The following RNF13 variants were observed in gnomAD, a reference collection of about 807,000 sequenced individuals.
RNF13 encodes the protein E3 ubiquitin-protein ligase RNF13.
A neutral mutation model predicts 37.7 loss-of-function variants in RNF13; 19 were observed. The observed-to-expected ratio is 0.50, with a 90% CI of 0.35 to 0.74. The LOEUF (loss-of-function observed/expected upper bound fraction) is 0.74. RNF13 is among the 30% of genes least tolerant of loss of function. The pLI, the probability that RNF13 is intolerant of heterozygous loss-of-function variation, is 0.01. For synonymous variants in RNF13, 144 were observed against 157.8 expected (o/e 0.91, Z 0.65); for missense variants, 375 against 453.0 (o/e 0.83, Z 1.56).
intron 8 of RNF13, among the ~76,000 whole-genome samples, chr3:149,927,111 C>G (rs1718730458): frequency 6.6e-6 from 1 of 152,204 alleles, no homozygotes; most frequent in African/African-American, 2.4e-5. Context: ...TCTTCCCAAA[C>G]TGAAACTCTG....
At chr3:149,895,681 A>C (rs1384234715) in intron 5 of RNF13, 121 bp downstream of exon 5, 1 of 570,896 alleles carries the variant, frequency 1.8e-6, no homozygotes, top group Non-Finnish European at 3.1e-6. Context: ...CTATCAGATA[A>C]TCCCTCATTC....
chr3:149,827,235 A>G (rs776141852), intron 1 of RNF13, among the ~76,000 whole-genome samples: 2 of 152,172 alleles, frequency 1.3e-5, no homozygotes, highest in Non-Finnish European at 2.9e-5. Context: ...CACTGTATTC[A>G]GTATTATAAC....
intron 5 of RNF13, among the ~76,000 whole-genome samples, chr3:149,899,800 TG>T (rs1462927549): frequency 6.6e-6 from 1 of 152,242 alleles, no homozygotes; most frequent in Non-Finnish European, 1.5e-5. Flanking sequence ...ATGGCTATGC[TG>T]TTTACAGAGA....
intron 6 of RNF13, among the ~76,000 whole-genome samples, chr3:149,907,254 A>G (rs1716513385): frequency 6.6e-6 from 1 of 152,086 alleles, no homozygotes; most frequent in Non-Finnish European, 1.5e-5. Flanking sequence ...TCCCTTATCT[A>G]ATTGCATTGG....
Position 149,912,047 on chromosome 3 carries a change from A to G in RNF13, c.570A>G (p.Ile190Met). The change falls in exon 7 of 10, where the codon ATA becomes ATG. Residue 190 changes from isoleucine (I) to methionine (M), a missense_variant. By Grantham distance (10) the Ile-to-Met change is conservative (BLOSUM62 1). Coordinates refer to ENST00000392894, the MANE Select transcript of RNF13 (RefSeq NM_183381.3). The stretch of plus-strand genomic sequence containing the variant: ...ACTACCTAATTCCCTTCCTTATCAT[A>G]GTGGGCATCTGTCTCATCTTGATAG... ...LEYYLIPFLI[I>M]VGICLILIVI... is the part of the protein sequence containing the mutation. 1 of 1,590,106 alleles carries G rather than the reference A, an allele frequency of 6.3e-7. No individual in the cohort carries two copies. The highest frequency in any genetic ancestry group is 8.6e-7 in the Non-Finnish European group (1 of 1,159,128).
intron 6 of RNF13, among the ~76,000 whole-genome samples, chr3:149,907,649 C>G (rs999233207): frequency 2.0e-5 from 3 of 152,146 alleles, no homozygotes; most frequent in African/African-American, 7.2e-5. Flanking sequence ...CGTAGCCTCT[C>G]TCCTCATTAA....
intron 8 of RNF13, among the ~76,000 whole-genome samples, chr3:149,940,720 A>G (rs1720164881): frequency 3.3e-5 from 5 of 152,104 alleles, no homozygotes; most frequent in South Asian, 4.1e-4. Context: ...TAAATTTACA[A>G]TCTTAACCAT....
At chr3:149,827,378 C>G (rs572903533) in intron 1 of RNF13, among the ~76,000 whole-genome samples, 1 of 152,126 alleles carries the variant, frequency 6.6e-6, no homozygotes, top group Non-Finnish European at 1.5e-5. Context: ...CAGTCTCTCA[C>G]AGACACCGAG....
intron 1 of RNF13, among the ~76,000 whole-genome samples, chr3:149,829,249 GCCA>G: frequency 6.6e-6 from 1 of 152,182 alleles, no homozygotes; most frequent in South Asian, 2.1e-4. Context: ...ACAGACGTGA[GCCA>G]CCAGGCTCAG....
At chr3:149,819,650 A>G (rs1719834077) in intron 1 of RNF13, among the ~76,000 whole-genome samples, 1 of 152,228 alleles carries the variant, frequency 6.6e-6, no homozygotes, top group Non-Finnish European at 1.5e-5. Context: ...GCTCATGGTT[A>G]CAGAGAAAAA....
intron 3 of RNF13, among the ~76,000 whole-genome samples, chr3:149,867,077 G>A (rs2108430934): frequency 6.6e-6 from 1 of 152,236 alleles, no homozygotes; most frequent in South Asian, 2.1e-4. Flanking sequence ...TGGATGATCT[G>A]TACATTTCTG....
intron 7 of RNF13, among the ~76,000 whole-genome samples, chr3:149,918,244 C>A (rs1056905328): frequency 1.3e-5 from 2 of 152,034 alleles, no homozygotes; most frequent in African/African-American, 4.8e-5. Context: ...TACAGCACAT[C>A]CCAGTTCAGA....
chr3:149,950,913 A>T (rs1286624439), intron 8 of RNF13, among the ~76,000 whole-genome samples: 1 of 152,014 alleles, frequency 6.6e-6, no homozygotes, highest in Non-Finnish European at 1.5e-5. Context: ...TGTAGGTTAG[A>T]GCTGATGGGA....
intron 8 of RNF13, among the ~76,000 whole-genome samples, chr3:149,929,887 A>G (rs1384917396): frequency 1.3e-5 from 2 of 152,092 alleles, no homozygotes; most frequent in East Asian, 3.9e-4. Context: ...CCATTTATCT[A>G]TTCTTTCACC....
At chr3:149,864,008 A>ATTTTTTT (rs535062004) in intron 3 of RNF13, among the ~76,000 whole-genome samples, 41 of 29,692 alleles carry the variant, frequency 1.4e-3, no homozygotes, top group African/African-American at 6.4e-3. Context: ...TTTGATTGGA[A>ATTTTTTT]TTTTTTTTTT....
intron 8 of RNF13, chr3:149,939,422 C>A: frequency 1.9e-6 from 1 of 535,040 alleles, no homozygotes; most frequent in Admixed American, 2.0e-5. Flanking sequence ...TCTTCTTCAT[C>A]TTCTGACTCT....
At chr3:149,847,003 A>G (rs1379643378) in intron 2 of RNF13, among the ~76,000 whole-genome samples, 1 of 152,176 alleles carries the variant, frequency 6.6e-6, no homozygotes, top group Non-Finnish European at 1.5e-5. Flanking sequence ...TTTCCTCCAC[A>G]CTGGGGAGTA....
chr3:149,831,647 C>G (rs748757493), intron 1 of RNF13, among the ~76,000 whole-genome samples: 1 of 152,044 alleles, frequency 6.6e-6, no homozygotes, highest in East Asian at 1.9e-4. Context: ...TGGATGTGGA[C>G]TTTTGAGTTA....
At chr3:149,947,072 GT>G (rs1267656472) in intron 8 of RNF13, among the ~76,000 whole-genome samples, 1 of 151,858 alleles carries the variant, frequency 6.6e-6, no homozygotes, top group African/African-American at 2.4e-5. Flanking sequence ...GGATTTGCCT[GT>G]TTTTTGTTTT....
Sources: allele counts gnomAD v4.1 joint callset (sites outside exome capture counted in the v4.1 genomes callset), GRCh38; gene constraint gnomAD v4.1.1; transcripts MANE v1.5; gene names NCBI Gene and HGNC (gene_info 2026-07-23, HGNC 2026-07-21).